The following HTR2C variants were observed in gnomAD, a reference collection of about 807,000 sequenced individuals.
The protein encoded by HTR2C is 5-hydroxytryptamine (serotonin) receptor 2C, G protein-coupled.
A neutral mutation model predicts 21.0 loss-of-function variants in HTR2C; 5 were observed. The ratio of observed to expected loss-of-function variants is 0.24; its 90% CI spans 0.12 to 0.50. HTR2C has a LOEUF of 0.50. Ranked by LOEUF, HTR2C falls within the 20% of genes least tolerant of loss-of-function variation. HTR2C has a pLI of 0.98. For missense variants in HTR2C, 271 were observed against 371.2 expected (o/e 0.73, Z 2.22); for synonymous variants, 150 against 145.3 (o/e 1.03, Z -0.23).
At chrX:114,726,404 C>T (rs971113063) in intron 2 of HTR2C, among the ~76,000 whole-genome samples, 7 of 112,207 alleles carry the variant, frequency 6.2e-5, no homozygotes, top group Middle Eastern at 4.2e-3. Flanking sequence ...CACTGACCTG[C>T]GCCCACTGTC....
rs1169075181 is a variant in HTR2C at position 114,909,691 on chromosome X, C to G, written c.*2276C>G. ...AATAGTACCCAACCTGGTAATTATC[C>G]TCAAGTTGTGTGCTATTCGTAAGTT... On this transcript the variant is annotated 3_prime_UTR_variant, in exon 6 of 6. Transcript: ENST00000276198. 1 of 112,201 alleles carries G rather than the reference C, an allele frequency of 8.9e-6. No homozygotes were observed. Among genetic ancestry groups the G allele is most frequent in the Non-Finnish European group, 1.9e-5 (1 of 53,156 alleles). 9.2% of individuals were successfully genotyped at this position (112,201 alleles called of 1,213,427 possible).
At position 114,614,218 on chromosome X, in the gene HTR2C, TTTC is replaced by T. The variant is rs1374345592; in HGVS notation, c.-80+344_-80+346del. ...GACAATTAGGTTAGCGAAGTTCAAT[TTTC>T]TTCTTCAATGACAAACTCTTGTTTT... On this transcript the variant is annotated intron_variant, in intron 2 of 5. Transcript: ENST00000276198. 5.4e-5 allele frequency among the ~76,000 whole-genome samples: 6 copies of T among 110,964 alleles called. No homozygotes were observed. In the Admixed American group the frequency reaches 5.8e-4, roughly 11 times the overall value.
intron 4 of HTR2C, among the ~76,000 whole-genome samples, chrX:114,755,976 G>A (rs1203125069): frequency 9.1e-6 from 1 of 110,174 alleles, no homozygotes; most frequent in Non-Finnish European, 1.9e-5. Flanking sequence ...CTGAATGTGG[G>A]GGTGTGTGCC....
chrX:114,828,792 A>G (rs2070697890), intron 4 of HTR2C, among the ~76,000 whole-genome samples: 1 of 111,886 alleles, frequency 8.9e-6, no homozygotes, highest in South Asian at 3.7e-4. Context: ...GGATTTACCT[A>G]TTCTGAATAT....
intron 4 of HTR2C, among the ~76,000 whole-genome samples, chrX:114,768,426 A>G (rs2069966930): frequency 9.0e-6 from 1 of 111,269 alleles, no homozygotes; most frequent in African/African-American, 3.2e-5. Context: ...TTACAAACAA[A>G]AAGATATTAT....
At chrX:114,805,458 A>T (rs1427097619) in intron 4 of HTR2C, among the ~76,000 whole-genome samples, 2 of 95,414 alleles carry the variant, frequency 2.1e-5, no homozygotes, top group African/African-American at 3.8e-5. Flanking sequence ...GTGAAGCAAG[A>T]TTTTATTTCT....
chrX:114,623,639 A>G (rs1354275884), intron 2 of HTR2C, among the ~76,000 whole-genome samples: 2 of 111,751 alleles, frequency 1.8e-5, no homozygotes, highest in Non-Finnish European at 3.8e-5. Flanking sequence ...ATGTTTGACT[A>G]GAAAATGACT....
chrX:114,882,411 G>C (rs1556480022), intron 5 of HTR2C, among the ~76,000 whole-genome samples: 2 of 110,327 alleles, frequency 1.8e-5, no homozygotes, highest in Non-Finnish European at 3.8e-5. Flanking sequence ...GAATATTCTT[G>C]ACTTGCTCCT....
At chrX:114,690,124 T>G in intron 2 of HTR2C, among the ~76,000 whole-genome samples, 1 of 111,560 alleles carries the variant, frequency 9.0e-6, no homozygotes, top group Non-Finnish European at 1.9e-5. Context: ...GGAATTATTT[T>G]GGTCAACACA....
At chrX:114,760,774 C>T (rs1028879899) in intron 4 of HTR2C, among the ~76,000 whole-genome samples, 6 of 111,561 alleles carry the variant, frequency 5.4e-5, no homozygotes, top group East Asian at 2.8e-4. Flanking sequence ...CCTCCCACCT[C>T]GGCCTCCCAA....
intron 4 of HTR2C, among the ~76,000 whole-genome samples, chrX:114,836,961 A>G (rs1289226435): frequency 8.9e-6 from 1 of 111,955 alleles, no homozygotes; most frequent in African/African-American, 3.2e-5. Flanking sequence ...CTCTAGTACA[A>G]TGCACAATGG....
chrX:114,745,837 G>C (rs2069698047), intron 4 of HTR2C, among the ~76,000 whole-genome samples: 1 of 111,467 alleles, frequency 9.0e-6, no homozygotes, highest in South Asian at 3.7e-4. Flanking sequence ...GGTGGTAGTG[G>C]GAAAGGTTAA....
chrX:114,640,555 A>G (rs781961487), intron 2 of HTR2C, among the ~76,000 whole-genome samples: 29 of 112,419 alleles, frequency 2.6e-4, no homozygotes, highest in African/African-American at 9.0e-4. Context: ...GAGTGTTTTC[A>G]AGCTATGACA....
rs782261981 is a variant in HTR2C at position 114,908,732 on chromosome X, G to A, written c.*1317G>A. On this transcript the variant is annotated 3_prime_UTR_variant, in exon 6 of 6. Coordinates refer to ENST00000276198, the MANE Select transcript of HTR2C (RefSeq NM_000868.4). The stretch of plus-strand genomic sequence containing the variant: ...TAGTGTTGTGTTACAATAAGTGTTG[G>A]CCATCATTTCATTCGTGGGCCTGCT... The A allele has an allele frequency of 1.8e-5, 2 of 112,472 alleles. No individual in the cohort carries two copies. The highest frequency in any genetic ancestry group is 6.5e-5 in the African/African-American group (2 of 30,949). 9.3% of individuals were successfully genotyped at this position (112,472 alleles called of 1,213,427 possible).
chrX:114,681,138 T>C (rs1234928856), intron 2 of HTR2C, among the ~76,000 whole-genome samples: 4 of 111,737 alleles, frequency 3.6e-5, no homozygotes, highest in African/African-American at 1.3e-4. Context: ...CTTATTTCAA[T>C]ATTTAATACA....
At chrX:114,600,892 C>T (rs1928057844) in intron 1 of HTR2C, among the ~76,000 whole-genome samples, 1 of 111,914 alleles carries the variant, frequency 8.9e-6, no homozygotes, top group Admixed American at 9.5e-5. Flanking sequence ...TTTCTTCCAT[C>T]ATACAACTTC....
chrX:114,884,135 C>T (rs1556480562), intron 5 of HTR2C, among the ~76,000 whole-genome samples: 1 of 111,033 alleles, frequency 9.0e-6, no homozygotes, highest in Non-Finnish European at 1.9e-5. Flanking sequence ...AGTAATATTT[C>T]ATTGTGTATA....
intron 4 of HTR2C, among the ~76,000 whole-genome samples, chrX:114,752,564 C>T (rs2069770757): frequency 9.0e-6 from 1 of 111,215 alleles, no homozygotes; most frequent in Non-Finnish European, 1.9e-5. Flanking sequence ...CAAAGAGTAG[C>T]TGACATAGCT....
rs1466902866 is a variant in HTR2C at position 114,638,847 on chromosome X, A to G, written c.-80+24966A>G. 2.8e-5 allele frequency among the ~76,000 whole-genome samples: 3 copies of G among 107,859 alleles called. No individual in the cohort carries two copies. The East Asian group carries it at 8.8e-4, about 32-fold the overall frequency. 93.7% of individuals were successfully genotyped at this position (107,859 alleles called of 115,157 possible). On this transcript the variant is annotated intron_variant, in intron 2 of 5. Transcript: ENST00000276198. ...AATTTCATCCATGTCCCTACAAAGG[A>G]CATGAACTCATCATTTTTTATGGCT...
Sources: gnomAD v4.1 joint callset for allele counts (sites outside exome capture counted in the v4.1 genomes callset) on GRCh38, gnomAD v4.1.1 for gene constraint, MANE v1.5 for transcripts, NCBI Gene and HGNC (gene_info 2026-07-23, HGNC 2026-07-21) for gene names.